DIS3L2: variants seen among roughly 807,000 people sequenced by gnomAD.
DIS3L2 encodes DIS3 like 3'-5' exoribonuclease 2, also known as DIS3-like exonuclease 2.
DIS3L2 carries 34 observed loss-of-function variants against 97.5 expected under a neutral mutation model. The observed-to-expected ratio is 0.35, with a 90% CI of 0.27 to 0.46. The LOEUF (loss-of-function observed/expected upper bound fraction) is 0.46. Among genes scored for constraint, DIS3L2 ranks in the 20% least tolerant of loss-of-function variants. The probability of loss-of-function intolerance (pLI) is 1.00; values close to 1 mark genes in which losing one functional copy is unlikely to be tolerated. For missense variants in DIS3L2, 1,038 were observed against 1,146.0 expected, an observed-to-expected ratio of 0.91 and a Z score of 1.36; for synonymous variants, 435 against 445.2, an observed-to-expected ratio of 0.98 and a Z score of 0.29.
At chr2:232,165,986 T>C (rs1690794403) in intron 9 of DIS3L2, among the ~76,000 whole-genome samples, 1 of 151,998 alleles carries the variant, frequency 6.6e-6, no homozygotes, top group African/African-American at 2.4e-5. Flanking sequence ...TCCCCTCTCA[T>C]GGCTCTATCT....
intron 13 of DIS3L2, among the ~76,000 whole-genome samples, chr2:232,283,714 A>G (rs1255965943): frequency 6.6e-6 from 1 of 152,252 alleles, no homozygotes; most frequent in Non-Finnish European, 1.5e-5. Context: ...GATTCCATTT[A>G]GGTAACATCC....
At chr2:232,083,072 C>CA (rs1312987055) in intron 5 of DIS3L2, among the ~76,000 whole-genome samples, 5 of 151,368 alleles carry the variant, frequency 3.3e-5, no homozygotes, top group African/African-American at 7.3e-5. Flanking sequence ...AGACCCACCC[C>CA]CCCATGATTC....
At chr2:232,286,620 CATT>C (rs1312821658) in intron 13 of DIS3L2, among the ~76,000 whole-genome samples, 1 of 152,170 alleles carries the variant, frequency 6.6e-6, no homozygotes, top group African/African-American at 2.4e-5. Context: ...TCAAGAACAT[CATT>C]GAGTTTCCGC....
chr2:232,333,784 C>G, intron 16 of DIS3L2, 56 bp from the exon 17 acceptor site: 2 of 1,484,544 alleles, frequency 1.3e-6, no homozygotes, highest in Non-Finnish European at 1.8e-6. Context: ...GCCAGCCTTC[C>G]AGGCCTGGCT....
In DIS3L2 at chr2:232,087,517, A is replaced by G. The variant is rs1696698209; in HGVS notation, c.397A>G (p.Thr133Ala). 1 of 1,613,816 alleles carries G rather than the reference A, an allele frequency of 6.2e-7. No individual in the cohort carries two copies. Among genetic ancestry groups the G allele is most frequent in the Non-Finnish European group, 8.5e-7 (1 of 1,179,940 alleles). Residue 133 changes from threonine (T) to alanine (A), a missense_variant, in exon 6 of 21, where the codon ACA becomes GCA. By Grantham distance (58) the Thr-to-Ala change is moderately conservative. Around this residue, in one of 3 missense-constraint regions of DIS3L2, gnomAD observed 813 missense variants for 880.1 expected, o/e 0.92. Coordinates refer to ENST00000325385, the MANE Select transcript of DIS3L2 (RefSeq NM_152383.5). ...VVKPESNDKE[T>A]EAAYESDIPE... is the part of the protein sequence containing the mutation. ...TAAACCAGAGAGCAATGACAAAGAA[A>G]CAGAAGCTGCGTATGAATCAGATAT...
At chr2:232,332,677 G>A (rs1695772913) in intron 16 of DIS3L2, among the ~76,000 whole-genome samples, 1 of 152,144 alleles carries the variant, frequency 6.6e-6, no homozygotes, top group South Asian at 2.1e-4. Flanking sequence ...AGGGCCTTTG[G>A]AACTCAGCCC....
At chr2:231,981,598 T>TTATATATATATATATATATA (rs10669283) in intron 1 of DIS3L2, among the ~76,000 whole-genome samples, 2 of 84,070 alleles carry the variant, frequency 2.4e-5, no homozygotes, top group South Asian at 5.0e-4. Context: ...GTTAAGTATT[T>TTATATATATATATATATATA]TATATATATA....
At position 232,292,267 on chromosome 2, in the gene DIS3L2, G is replaced by A. The variant is rs151210835; in HGVS notation, c.1660-7773G>A. 4.7e-4 allele frequency among the ~76,000 whole-genome samples: 72 copies of A among 152,204 alleles called. No individual in the cohort carries two copies. Among genetic ancestry groups the A allele is most frequent in the Middle Eastern group, 3.4e-3 (1 of 294 alleles). ...TCTGCTTACCTAGGACATTGTTTCTGCCCCTAAGTTCTCCCTAAAGTGCCA... is the reference window on the plus strand; with the variant it reads ...TCTGCTTACCTAGGACATTGTTTCTACCCCTAAGTTCTCCCTAAAGTGCCA... On this transcript the variant is annotated intron_variant, in intron 13 of 20. Coordinates refer to ENST00000325385, the MANE Select transcript of DIS3L2 (RefSeq NM_152383.5). The surrounding 1 kb of genome is among the most constrained non-coding windows in gnomAD (Gnocchi z 4.4).
At chr2:232,272,465 C>T (rs904734342) in intron 13 of DIS3L2, among the ~76,000 whole-genome samples, 2 of 152,032 alleles carry the variant, frequency 1.3e-5, no homozygotes, top group South Asian at 4.1e-4. Flanking sequence ...GGAAAGAAGG[C>T]CAGTTTGGAG....
chr2:232,193,027 T>C (rs1050038806), intron 9 of DIS3L2, among the ~76,000 whole-genome samples: 2 of 152,208 alleles, frequency 1.3e-5, no homozygotes, highest in African/African-American at 2.4e-5. Context: ...GGATGGCTGC[T>C]ATCTACAGCT....
intron 9 of DIS3L2, among the ~76,000 whole-genome samples, chr2:232,209,215 A>G (rs1692118197): frequency 6.6e-6 from 1 of 152,028 alleles, no homozygotes; most frequent in South Asian, 2.1e-4. Flanking sequence ...TAAGAGTCGG[A>G]TAGAGAAAGG....
chr2:232,001,715 C>CTTTT (rs36048859), intron 1 of DIS3L2, among the ~76,000 whole-genome samples: 18 of 60,036 alleles, frequency 3.0e-4, no homozygotes, highest in Admixed American at 8.7e-4. Context: ...ATCTTTAATT[C>CTTTT]TTTTTTTTTT....
chr2:232,016,496 T>A (rs1399600594), intron 3 of DIS3L2, among the ~76,000 whole-genome samples: 2 of 152,116 alleles, frequency 1.3e-5, no homozygotes, highest in Admixed American at 1.3e-4. Flanking sequence ...AGGCTGAGGT[T>A]CTGGAGAGGC....
chr2:232,006,886 C>G (rs1694067358), intron 1 of DIS3L2, among the ~76,000 whole-genome samples: 1 of 152,108 alleles, frequency 6.6e-6, no homozygotes, highest in Non-Finnish European at 1.5e-5. Flanking sequence ...GAGAGAATGC[C>G]ATTATTTAAG....
At chr2:232,181,532 T>C (rs1163378500) in intron 9 of DIS3L2, among the ~76,000 whole-genome samples, 1 of 152,192 alleles carries the variant, frequency 6.6e-6, no homozygotes, top group Non-Finnish European at 1.5e-5. Flanking sequence ...CTTTTTTCTC[T>C]AAACTTCCCT....
chr2:232,258,327 G>T (rs1392659886), intron 12 of DIS3L2, among the ~76,000 whole-genome samples: 1 of 152,170 alleles, frequency 6.6e-6, no homozygotes, highest in Admixed American at 6.5e-5. Context: ...GCTCATGCCT[G>T]TAATCCCAGC....
intron 1 of DIS3L2, among the ~76,000 whole-genome samples, chr2:231,969,770 G>C (rs774486413): frequency 6.6e-6 from 1 of 152,132 alleles, no homozygotes; most frequent in Non-Finnish European, 1.5e-5. Flanking sequence ...GGTGAGAGCA[G>C]ATTACTTGTC....
intron 20 of DIS3L2, 137 bp from the exon 21 acceptor site, chr2:232,336,332 C>T (rs1299446248): frequency 1.3e-6 from 2 of 1,547,922 alleles, no homozygotes; most frequent in South Asian, 1.2e-5. Context: ...GGAGGGGGCC[C>T]CCATTACAGA....
intron 5 of DIS3L2, among the ~76,000 whole-genome samples, chr2:232,075,563 C>G (rs973589759): frequency 6.6e-6 from 1 of 152,202 alleles, no homozygotes; most frequent in Non-Finnish European, 1.5e-5. Context: ...ACCCTCTAAT[C>G]TGATTTCTGT....
Sources: gnomAD v4.1 joint callset for allele counts (sites outside exome capture counted in the v4.1 genomes callset) on GRCh38, gnomAD v4.1.1 for gene constraint, gnomAD v4.1.1 regional missense constraint, Gnocchi (gnomAD v3.1) non-coding constraint, MANE v1.5 for transcripts, NCBI Gene and HGNC (gene_info 2026-07-23, HGNC 2026-07-21) for gene names.